Variants in SCAPER observed in about 807,000 individuals in gnomAD.
SCAPER encodes the protein S-phase cyclin A associated protein in the ER.
In SCAPER, 98 loss-of-function variants were observed where a neutral mutation model predicts 182.2. The observed-to-expected ratio is 0.54, with a 90% CI of 0.46 to 0.64. The LOEUF (loss-of-function observed/expected upper bound fraction) is 0.64. SCAPER is among the 30% of genes least tolerant of loss of function. SCAPER has a pLI of 0.00. For synonymous variants in SCAPER, 605 were observed against 564.6 expected (o/e 1.07, Z -1.01); for missense variants, 1,432 against 1,690.0 (o/e 0.85, Z 2.68).
chr15:76,406,894 G>C (rs2044886599), intron 26 of SCAPER, among the ~76,000 whole-genome samples: 3 of 152,188 alleles, frequency 2.0e-5, no homozygotes, highest in Non-Finnish European at 2.9e-5. Context: ...GTTCCAGGAT[G>C]AGTATATGAC....
At chr15:76,589,526 T>C (rs1161538445) in intron 22 of SCAPER, among the ~76,000 whole-genome samples, 2 of 152,084 alleles carry the variant, frequency 1.3e-5, no homozygotes, top group African/African-American at 4.8e-5. Flanking sequence ...CTGGTGTCAC[T>C]CCCACTGTGC....
rs543794815 is a variant in SCAPER, at chr15:76,712,212, T to C, written c.2166-6228A>G. On this transcript the variant is annotated intron_variant, in intron 17 of 31. Transcript: ENST00000563290. ...AATAGGGAATCCTTTCCCCATTGCT[T>C]CTTTTTCTCAGGTTTGTCAAAGATC... Among the ~76,000 whole-genome samples, 6 of 152,328 alleles carry C rather than the reference T, an allele frequency of 3.9e-5. No individual in the cohort carries two copies. In the South Asian group the frequency reaches 1.0e-3, roughly 26 times the overall value.
intron 23 of SCAPER, among the ~76,000 whole-genome samples, chr15:76,516,951 G>A (rs952832403): frequency 1.3e-5 from 2 of 152,174 alleles, no homozygotes; most frequent in Non-Finnish European, 1.5e-5. Flanking sequence ...ACAATCCTAT[G>A]AGGTAGGATT....
At chr15:76,794,025 AGAAGTCTTCTGT>A (rs1342715115) in intron 8 of SCAPER, among the ~76,000 whole-genome samples, 41 of 152,376 alleles carry the variant, frequency 2.7e-4, no homozygotes, top group Non-Finnish European at 5.6e-4. Context: ...CAGAGGTCAC[AGAAGTCTTCTGT>A]GTTAATTGCT....
At chr15:76,781,733 T>A (rs1250620632) in intron 8 of SCAPER, among the ~76,000 whole-genome samples, 1 of 152,146 alleles carries the variant, frequency 6.6e-6, no homozygotes, top group Non-Finnish European at 1.5e-5. Context: ...GGGGCCAATA[T>A]TCAACATTAT....
intron 19 of SCAPER, 65 bp downstream of exon 19, chr15:76,702,785 A>G: frequency 6.5e-7 from 1 of 1,538,360 alleles, no homozygotes; most frequent in Non-Finnish European, 8.7e-7. Flanking sequence ...GCAAGAATAT[A>G]TTTCCATGGT....
At chr15:76,413,729 G>A (rs911751588) in intron 26 of SCAPER, among the ~76,000 whole-genome samples, 1 of 152,184 alleles carries the variant, frequency 6.6e-6, no homozygotes, top group South Asian at 2.1e-4. Context: ...GATTGTGGGG[G>A]TTTCCTCAGC....
intron 21 of SCAPER, among the ~76,000 whole-genome samples, chr15:76,626,172 T>C (rs2052555265): frequency 6.6e-6 from 1 of 152,096 alleles, no homozygotes; most frequent in Admixed American, 6.5e-5. Flanking sequence ...GATGATCTGT[T>C]CAAAGCGTGA....
intron 1 of SCAPER, among the ~76,000 whole-genome samples, chr15:76,904,947 T>G (rs1481100075): frequency 6.6e-6 from 1 of 152,038 alleles, no homozygotes; most frequent in Non-Finnish European, 1.5e-5. Flanking sequence ...TGCCCCCAAG[T>G]GAGGTGACGC....
intron 22 of SCAPER, among the ~76,000 whole-genome samples, chr15:76,608,465 GGGACCCACTT>G (rs1353732181): frequency 6.6e-6 from 1 of 152,232 alleles, no homozygotes; most frequent in African/African-American, 2.4e-5. Context: ...TCGGGGGTCA[GGGACCCACTT>G]GAGGAGGCAG....
chr15:76,772,064 C>G, intron 9 of SCAPER, 110 bp from the exon 10 acceptor site: 1 of 724,828 alleles, frequency 1.4e-6, no homozygotes, highest in East Asian at 2.6e-5. Flanking sequence ...AGAAGAGGTA[C>G]TTGACTGGAT....
intron 24 of SCAPER, among the ~76,000 whole-genome samples, chr15:76,493,675 TTAAG>T (rs1278165109): frequency 1.3e-5 from 2 of 152,252 alleles, no homozygotes; most frequent in Non-Finnish European, 2.9e-5. Context: ...AGATATGTTC[TTAAG>T]TAAGATCTGG....
At chr15:76,861,343 T>A (rs532076814) in intron 3 of SCAPER, among the ~76,000 whole-genome samples, 1 of 152,212 alleles carries the variant, frequency 6.6e-6, no homozygotes, top group African/African-American at 2.4e-5. Flanking sequence ...ATTGATTAAA[T>A]TAACGAGACA....
At position 76,856,278 on chromosome 15, in the gene SCAPER, A is replaced by ATT. The variant is rs563407403; in HGVS notation, c.195+1530_195+1531insAA. Among the ~76,000 whole-genome samples the ATT allele has an allele frequency of 1.4e-4, 21 of 152,182 alleles. No homozygotes were observed. In the East Asian group the frequency reaches 3.9e-3, roughly 28 times the overall value. On this transcript the variant is annotated intron_variant, in intron 4 of 31. Coordinates refer to ENST00000563290, the MANE Select transcript of SCAPER (RefSeq NM_020843.4). ...GAGGGGCCTCCTTGAGGGTGGGAGA[A>ATT]AAAAGAGAAAGAGGAAAAATAACTA... is the stretch of plus-strand genomic sequence containing the variant.
intron 20 of SCAPER, among the ~76,000 whole-genome samples, chr15:76,671,960 G>A (rs1567757775): frequency 6.6e-6 from 1 of 152,140 alleles, no homozygotes; most frequent in Non-Finnish European, 1.5e-5. Flanking sequence ...AGTGAGAGGG[G>A]CTCTGGCGAC....
chr15:76,574,325 C>T, intron 22 of SCAPER, 41 bp from the exon 23 acceptor site: 1 of 1,594,800 alleles, frequency 6.3e-7, no homozygotes. Flanking sequence ...ATTAATGAAA[C>T]AGACTATAAT....
chr15:76,763,154 G>A (rs2062895728), intron 14 of SCAPER, among the ~76,000 whole-genome samples: 1 of 152,134 alleles, frequency 6.6e-6, no homozygotes, highest in Non-Finnish European at 1.5e-5. Flanking sequence ...GCCTAGTGAT[G>A]ACAAACTCCC....
intron 5 of SCAPER, among the ~76,000 whole-genome samples, chr15:76,841,372 C>T (rs2069459693): frequency 6.6e-6 from 1 of 152,132 alleles, no homozygotes; most frequent in Non-Finnish European, 1.5e-5. Context: ...CAGGGCCAGG[C>T]ACAGTGGCTC....
chr15:76,437,024 G>A (rs879889275), intron 25 of SCAPER, among the ~76,000 whole-genome samples: 9 of 152,162 alleles, frequency 5.9e-5, no homozygotes, highest in Admixed American at 3.3e-4. Flanking sequence ...CTGAGAATGT[G>A]TTTTCACTAA....
Sources: gnomAD v4.1 joint callset for allele counts (sites outside exome capture counted in the v4.1 genomes callset) on GRCh38, gnomAD v4.1.1 for gene constraint, MANE v1.5 for transcripts, NCBI Gene and HGNC (gene_info 2026-07-23, HGNC 2026-07-21) for gene names.